Variants in NUBPL observed in about 807,000 individuals in gnomAD.
NUBPL encodes NUBP iron-sulfur cluster assembly factor, mitochondrial.
Under a neutral mutation model 45.7 loss-of-function variants are expected in NUBPL, and 31 were observed. That is an observed-to-expected ratio of 0.68 (90% CI 0.51 to 0.92). The LOEUF (loss-of-function observed/expected upper bound fraction) is 0.92, where lower values mean the gene tolerates loss of function less well. Among genes scored for constraint, NUBPL ranks in the 40% least tolerant of loss-of-function variants. The pLI, the probability that NUBPL is intolerant of heterozygous loss-of-function variation, is 0.00. For missense variants in NUBPL, 401 were observed against 398.7 expected (o/e 1.01, Z -0.05); for synonymous variants, 144 against 140.9 (o/e 1.02, Z -0.15).
intron 6 of NUBPL, among the ~76,000 whole-genome samples, chr14:31,761,341 A>G (rs1396717861): frequency 1.3e-5 from 2 of 152,128 alleles, no homozygotes; most frequent in Non-Finnish European, 1.5e-5. Flanking sequence ...TGCGCGGCTA[A>G]TTTTCTAAAT....
At chr14:31,686,228 C>T (rs1376062950) in intron 6 of NUBPL, among the ~76,000 whole-genome samples, 1 of 152,092 alleles carries the variant, frequency 6.6e-6, no homozygotes, top group African/African-American at 2.4e-5. Context: ...GGATTAGTAA[C>T]TGGTGTGGCA....
chr14:31,780,124 G>A (rs1254168278), intron 6 of NUBPL, among the ~76,000 whole-genome samples: 3 of 151,620 alleles, frequency 2.0e-5, no homozygotes, highest in Middle Eastern at 3.4e-3. Context: ...GTGCAGTGGC[G>A]AGCTCTTGAC....
chr14:31,770,652 A>C (rs1005891797), intron 6 of NUBPL, among the ~76,000 whole-genome samples: 3 of 152,194 alleles, frequency 2.0e-5, no homozygotes, highest in Admixed American at 6.5e-5. Context: ...GTAGCCTTTC[A>C]TTAGTTTTAC....
In NUBPL at chr14:31,833,836, G is replaced by A. The variant is rs138501102; in HGVS notation, c.693+7122G>A. On this transcript the variant is annotated intron_variant, in intron 8 of 10. Transcript: ENST00000281081. ...CTAGATGTGATACACATACTTCTGC[G>A]CACATTCTATTAGCTAAAATCAGTC... 3.6e-4 allele frequency among the ~76,000 whole-genome samples: 55 copies of A among 152,230 alleles called. No homozygotes were observed. The East Asian group carries it at 7.7e-3, about 21-fold the overall frequency.
At chr14:31,739,232 ATT>A (rs2038229256) in intron 6 of NUBPL, among the ~76,000 whole-genome samples, 1 of 120,454 alleles carries the variant, frequency 8.3e-6, no homozygotes, top group East Asian at 2.5e-4. Context: ...ATATATATAT[ATT>A]ATATTCTATA....
chr14:31,705,794 C>T (rs185124328), intron 6 of NUBPL, among the ~76,000 whole-genome samples: 18 of 152,268 alleles, frequency 1.2e-4, no homozygotes, highest in South Asian at 2.1e-4. Flanking sequence ...TGGCAGTCGC[C>T]GTGGGACTTT....
At chr14:31,639,161 T>C (rs2035602990) in intron 4 of NUBPL, among the ~76,000 whole-genome samples, 2 of 152,316 alleles carry the variant, frequency 1.3e-5, no homozygotes, top group South Asian at 4.1e-4. Context: ...GGAGAGGTGC[T>C]CTGGTTTTTA....
intron 7 of NUBPL, among the ~76,000 whole-genome samples, chr14:31,799,320 A>G (rs956818515): frequency 6.6e-6 from 1 of 152,146 alleles, no homozygotes; most frequent in Non-Finnish European, 1.5e-5. Flanking sequence ...TCATTATCTT[A>G]TTTGATCCTT....
chr14:31,804,329 A>G (rs995582044), intron 7 of NUBPL, among the ~76,000 whole-genome samples: 2 of 151,862 alleles, frequency 1.3e-5, no homozygotes, highest in Non-Finnish European at 2.9e-5. Context: ...ATGTTACAGT[A>G]TATCAGTTAA....
intron 7 of NUBPL, among the ~76,000 whole-genome samples, chr14:31,811,466 C>T (rs1050787685): frequency 6.6e-6 from 1 of 152,190 alleles, no homozygotes; most frequent in Non-Finnish European, 1.5e-5. Context: ...TTTTCAGCTC[C>T]TTCAGGTCAC....
chr14:31,789,418 T>G (rs983749818), intron 7 of NUBPL, among the ~76,000 whole-genome samples: 53 of 152,276 alleles, frequency 3.5e-4, no homozygotes, highest in African/African-American at 1.3e-3. Flanking sequence ...GTCTGCTAAT[T>G]AATATTAAAG....
intron 8 of NUBPL, among the ~76,000 whole-genome samples, chr14:31,843,172 CAG>C (rs2040403181): frequency 6.6e-6 from 1 of 152,178 alleles, no homozygotes; most frequent in African/African-American, 2.4e-5. Flanking sequence ...GTCATCAGGA[CAG>C]AGGGAAAAAT....
chr14:31,657,279 C>T (rs1195293042), intron 4 of NUBPL, among the ~76,000 whole-genome samples: 3 of 152,130 alleles, frequency 2.0e-5, no homozygotes, highest in Non-Finnish European at 4.4e-5. Flanking sequence ...GATTTCTTAT[C>T]TATATACTCT....
At chr14:31,678,540 C>T (rs945622926) in intron 6 of NUBPL, among the ~76,000 whole-genome samples, 5 of 152,216 alleles carry the variant, frequency 3.3e-5, no homozygotes, top group African/African-American at 1.2e-4. Flanking sequence ...TCCTTCTCTT[C>T]AAGGTATCGG....
chr14:31,602,427 G>C (rs1226444706), intron 4 of NUBPL, among the ~76,000 whole-genome samples: 6 of 148,716 alleles, frequency 4.0e-5, no homozygotes, highest in Admixed American at 4.0e-4. Context: ...AGACATGGAA[G>C]ACTGTACTTT....
chr14:31,716,486 A>G lies in NUBPL; in HGVS notation c.513+42912A>G, dbSNP rs369743762. ...AGACAGTTATGACTTTACAACAGCT[A>G]TGATGTCACTAGGCAATAGGAATTT... On this transcript the variant is annotated intron_variant, in intron 6 of 10. Coordinates refer to ENST00000281081, the MANE Select transcript of NUBPL (RefSeq NM_025152.3). 7.9e-5 allele frequency among the ~76,000 whole-genome samples: 12 copies of G among 152,334 alleles called. No homozygotes were observed. In the South Asian group the frequency reaches 1.9e-3, roughly 24 times the overall value.
At chr14:31,806,471 A>C (rs2039688518) in intron 7 of NUBPL, among the ~76,000 whole-genome samples, 1 of 152,200 alleles carries the variant, frequency 6.6e-6, no homozygotes, top group Non-Finnish European at 1.5e-5. Context: ...ACTGGAAACC[A>C]AAATAGTTTT....
intron 10 of NUBPL, among the ~76,000 whole-genome samples, chr14:31,857,930 G>A (rs890646228): frequency 2.0e-5 from 3 of 152,052 alleles, no homozygotes; most frequent in Non-Finnish European, 4.4e-5. Flanking sequence ...CACATTTTCG[G>A]GTATCTTTTC....
chr14:31,776,060 G>A (rs984516209), intron 6 of NUBPL, among the ~76,000 whole-genome samples: 1 of 152,110 alleles, frequency 6.6e-6, no homozygotes, highest in African/African-American at 2.4e-5. Flanking sequence ...TTCTTTTCGT[G>A]TTCTAAGTAA....
Sources: gnomAD v4.1 joint callset for allele counts (sites outside exome capture counted in the v4.1 genomes callset) on GRCh38, gnomAD v4.1.1 for gene constraint, MANE v1.5 for transcripts, NCBI Gene and HGNC (gene_info 2026-07-23, HGNC 2026-07-21) for gene names.